SWAP70: variants seen among roughly 807,000 people sequenced by gnomAD.
SWAP70 encodes switching B cell complex subunit SWAP70.
A neutral mutation model predicts 80.2 loss-of-function variants in SWAP70; 34 were observed. That is an observed-to-expected ratio of 0.42 (90% confidence interval 0.32 to 0.56). The LOEUF is 0.56. SWAP70 is among the 20% of genes least tolerant of loss of function. SWAP70 has a pLI of 0.09. For synonymous variants in SWAP70, 239 were observed against 238.5 expected (o/e 1.00, Z -0.02); for missense variants, 578 against 690.7 (o/e 0.84, Z 1.83).
chr11:9,727,449 T>A (rs150467481), intron 4 of SWAP70, among the ~76,000 whole-genome samples: 186 of 152,308 alleles, frequency 1.2e-3, no homozygotes, highest in African/African-American at 4.1e-3. Flanking sequence ...GATCTTGAAC[T>A]CCTGGCCTCA....
chr11:9,722,702 TG>T (rs927472997), intron 3 of SWAP70, among the ~76,000 whole-genome samples: 3 of 151,730 alleles, frequency 2.0e-5, no homozygotes, highest in African/African-American at 7.3e-5. Context: ...GAAGACAGAG[TG>T]GGGAATGACA....
At chr11:9,730,327 T>TAA (rs58068637) in intron 6 of SWAP70, among the ~76,000 whole-genome samples, 2 of 136,944 alleles carry the variant, frequency 1.5e-5, no homozygotes, top group Admixed American at 7.3e-5. Flanking sequence ...CGTCTCTACT[T>TAA]AAAAAAAAAA....
In SWAP70 at chr11:9,704,420, A is replaced by G. The variant is rs147032743; in HGVS notation, c.241-9046A>G. Among the ~76,000 whole-genome samples the G allele has an allele frequency of 6.8e-5, 10 of 146,362 alleles. No homozygotes were observed. In the East Asian group the frequency reaches 1.6e-3, roughly 23 times the overall value. ...TTATTTTATTTTACTTTTTTGAGAC[A>G]CTCTTTCTGTGTTGCCCAGGCTGGA... is the stretch of plus-strand genomic sequence containing the variant. On this transcript the variant is annotated intron_variant, in intron 2 of 11. Transcript: ENST00000318950.
At chr11:9,684,734 A>C (rs2134437444) in intron 1 of SWAP70, among the ~76,000 whole-genome samples, 1 of 152,342 alleles carries the variant, frequency 6.6e-6, no homozygotes, top group South Asian at 2.1e-4. Context: ...ATGGTAGTAT[A>C]GTAAAATAAA....
At chr11:9,740,452 C>G (rs1376494581) in intron 9 of SWAP70, 105 bp downstream of exon 9, 3 of 1,164,586 alleles carry the variant, frequency 2.6e-6, no homozygotes, top group Admixed American at 3.4e-5. Context: ...TGTCTCTGCT[C>G]TGGCTGTGAC....
intron 2 of SWAP70, among the ~76,000 whole-genome samples, chr11:9,697,115 A>G (rs1412350423): frequency 2.0e-5 from 3 of 151,850 alleles, no homozygotes; most frequent in East Asian, 3.8e-4. Context: ...TAAATACACA[A>G]CTATATGCAT....
At chr11:9,671,327 T>C (rs1850378985) in intron 1 of SWAP70, among the ~76,000 whole-genome samples, 1 of 103,632 alleles carries the variant, frequency 9.6e-6, no homozygotes, top group South Asian at 2.8e-4. Flanking sequence ...AATATAAAAA[T>C]ATATAAATAT....
At chr11:9,715,153 T>G (rs1851050365) in intron 3 of SWAP70, among the ~76,000 whole-genome samples, 1 of 151,828 alleles carries the variant, frequency 6.6e-6, no homozygotes, top group Non-Finnish European at 1.5e-5. Flanking sequence ...TAAAAAAAAT[T>G]TTTTTTGCAG....
intron 2 of SWAP70, among the ~76,000 whole-genome samples, chr11:9,699,578 G>A (rs1339051478): frequency 6.6e-6 from 1 of 152,058 alleles, no homozygotes; most frequent in Non-Finnish European, 1.5e-5. Context: ...ACACTGGTTG[G>A]GCACAGTGGC....
chr11:9,679,948 C>T (rs942223229), intron 1 of SWAP70, among the ~76,000 whole-genome samples: 10 of 152,174 alleles, frequency 6.6e-5, no homozygotes, highest in African/African-American at 2.4e-4. Context: ...GGATTACAGG[C>T]ATGAGCCACT....
At chr11:9,745,143 C>A (rs1265294745) in intron 9 of SWAP70, among the ~76,000 whole-genome samples, 2 of 152,122 alleles carry the variant, frequency 1.3e-5, no homozygotes, top group African/African-American at 4.8e-5. Flanking sequence ...TAATACTTTT[C>A]ATATATTTGA....
At chr11:9,666,648 C>A (rs930618049) in intron 1 of SWAP70, among the ~76,000 whole-genome samples, 29 of 151,896 alleles carry the variant, frequency 1.9e-4, no homozygotes, top group Admixed American at 1.5e-3. Flanking sequence ...TTTCAACCAT[C>A]ATTTCTCTTT....
chr11:9,729,023 C>G (rs896341157), intron 5 of SWAP70, among the ~76,000 whole-genome samples: 1 of 152,190 alleles, frequency 6.6e-6, no homozygotes, highest in African/African-American at 2.4e-5. Flanking sequence ...GTTAATACCT[C>G]TTGTAACATC....
At chr11:9,721,107 C>T (rs201783425) in intron 3 of SWAP70, among the ~76,000 whole-genome samples, 6 of 152,244 alleles carry the variant, frequency 3.9e-5, no homozygotes, top group Admixed American at 2.6e-4. Flanking sequence ...TGAGCCACCA[C>T]GCCTGGCGTT....
At chr11:9,747,766 A>G in intron 9 of SWAP70, 92 bp from the exon 10 acceptor site, 2 of 1,236,082 alleles carry the variant, frequency 1.6e-6, no homozygotes, top group East Asian at 2.3e-5. Context: ...GACGACCTCA[A>G]ATATTCTCTT....
rs568249041 is a variant in SWAP70, at chr11:9,670,289, T to A, written c.99+6011T>A. Among the ~76,000 whole-genome samples the A allele has an allele frequency of 1.4e-4, 21 of 152,280 alleles. No individual in the cohort carries two copies. The Middle Eastern group carries it at 0.01, about 74-fold the overall frequency. On this transcript the variant is annotated intron_variant, in intron 1 of 11. Coordinates refer to ENST00000318950, the MANE Select transcript of SWAP70 (RefSeq NM_015055.4). ...ACGGGAAAGGACAGATTCAGAAATG[T>A]CTCAGATGTCAACTACAGTTGACCA...
At chr11:9,682,619 A>C (rs1850581396) in intron 1 of SWAP70, among the ~76,000 whole-genome samples, 3 of 152,214 alleles carry the variant, frequency 2.0e-5, no homozygotes, top group Non-Finnish European at 4.4e-5. Context: ...ATAAAATATA[A>C]AATTTGAAAA....
intron 3 of SWAP70, among the ~76,000 whole-genome samples, chr11:9,722,809 C>T (rs546183811): frequency 6.6e-6 from 1 of 152,196 alleles, no homozygotes; most frequent in Non-Finnish European, 1.5e-5. Context: ...CAGCCCACAG[C>T]CTATATTTGC....
chr11:9,697,436 C>A (rs1177242782), intron 2 of SWAP70, among the ~76,000 whole-genome samples: 2 of 152,010 alleles, frequency 1.3e-5, no homozygotes, highest in Admixed American at 6.6e-5. Flanking sequence ...GCACATACCA[C>A]CACACCCAGC....
Sources: gnomAD v4.1 joint callset for allele counts (sites outside exome capture counted in the v4.1 genomes callset) on GRCh38, gnomAD v4.1.1 for gene constraint, MANE v1.5 for transcripts, NCBI Gene and HGNC (gene_info 2026-07-23, HGNC 2026-07-21) for gene names.